Variants in TMEM123 observed in about 807,000 individuals in gnomAD.
The protein encoded by TMEM123 is porimin.
A neutral mutation model predicts 19.7 loss-of-function variants in TMEM123; 16 were observed. The ratio of observed to expected loss-of-function variants is 0.81; its 90% CI spans 0.55 to 1.23. TMEM123 has a LOEUF of 1.23. Among genes scored for constraint, TMEM123 ranks in the 50% most tolerant of loss-of-function variants. The pLI is 0.00. For synonymous variants in TMEM123, 118 were observed against 99.4 expected (o/e 1.19, Z -1.12); for missense variants, 313 against 257.8 (o/e 1.21, Z -1.47).
intron 2 of TMEM123, among the ~76,000 whole-genome samples, chr11:102,430,626 G>A (rs1857689342): frequency 6.6e-6 from 1 of 152,184 alleles, no homozygotes; most frequent in Non-Finnish European, 1.5e-5. Flanking sequence ...GGCAGAGAGG[G>A]CAGAGAAAGG....
intron 2 of TMEM123, among the ~76,000 whole-genome samples, chr11:102,439,090 A>G (rs1591565813): frequency 6.6e-6 from 1 of 152,250 alleles, no homozygotes; most frequent in Middle Eastern, 3.4e-3. Context: ...AGTGGCCGGG[A>G]AGCTCGAACT....
intron 2 of TMEM123, among the ~76,000 whole-genome samples, chr11:102,415,249 C>T (rs991557186): frequency 6.6e-6 from 1 of 152,172 alleles, no homozygotes; most frequent in African/African-American, 2.4e-5. Flanking sequence ...GACTTCAAAA[C>T]CCCACTGACA....
At chr11:102,430,681 GTTTA>G (rs1857689906) in intron 2 of TMEM123, among the ~76,000 whole-genome samples, 1 of 152,182 alleles carries the variant, frequency 6.6e-6, no homozygotes, top group Non-Finnish European at 1.5e-5. Flanking sequence ...GGAAAAACAC[GTTTA>G]TTTAGGTCCT....
At chr11:102,406,287 G>C (rs1430420459) in intron 2 of TMEM123, among the ~76,000 whole-genome samples, 1 of 152,106 alleles carries the variant, frequency 6.6e-6, no homozygotes, top group Non-Finnish European at 1.5e-5. Context: ...TCTGTCTATG[G>C]GGGTAAAGAG....
chr11:102,430,952 A>G (rs932835130), intron 2 of TMEM123, among the ~76,000 whole-genome samples: 2 of 152,242 alleles, frequency 1.3e-5, no homozygotes, highest in Non-Finnish European at 2.9e-5. Context: ...CTAGTGAACC[A>G]AATTCAATGT....
At chr11:102,421,462 A>T (rs928498500) in intron 2 of TMEM123, among the ~76,000 whole-genome samples, 3 of 152,186 alleles carry the variant, frequency 2.0e-5, no homozygotes, top group Non-Finnish European at 4.4e-5. Context: ...CAGCTGCCAC[A>T]TAAGAATTTG....
At chr11:102,408,840 C>T (rs562800064) in intron 2 of TMEM123, among the ~76,000 whole-genome samples, 56 of 152,228 alleles carry the variant, frequency 3.7e-4, no homozygotes, top group Middle Eastern at 6.8e-3. Flanking sequence ...AAGTGAGGCC[C>T]AGACCTTTTT....
In TMEM123 at chr11:102,396,372, G is replaced by T. The variant is rs981196232; in HGVS notation, c.*2495C>A. On this transcript the variant is annotated 3_prime_UTR_variant, in exon 5 of 5. Coordinates refer to ENST00000398136, the MANE Select transcript of TMEM123 (RefSeq NM_052932.3). ...AATTTTATTCTAAAAATAGAACTTG[G>T]TAACAATGAAATACCAAAAGCTGGT... The T allele has an allele frequency of 2.6e-5, 4 of 151,874 alleles. No individual in the cohort carries two copies. Among genetic ancestry groups the T allele is most frequent in the African/African-American group, 7.3e-5 (3 of 41,350 alleles). The allele number at this position is 151,874 out of a possible 1,614,324, so 9.4% of individuals were successfully genotyped here. A position where few individuals can be genotyped will look rare whatever the true frequency, so the allele number is the denominator to read the frequency against.
chr11:102,428,794 T>A (rs988283140), intron 2 of TMEM123, among the ~76,000 whole-genome samples: 1 of 152,172 alleles, frequency 6.6e-6, no homozygotes, highest in African/African-American at 2.4e-5. Context: ...TCATCAAGAA[T>A]AGGCTATAAC....
At chr11:102,439,826 A>C (rs1857805630) in intron 2 of TMEM123, among the ~76,000 whole-genome samples, 1 of 152,206 alleles carries the variant, frequency 6.6e-6, no homozygotes, top group Non-Finnish European at 1.5e-5. Flanking sequence ...ACAAATGGCT[A>C]ACTAGAATAA....
intron 4 of TMEM123, 60 bp from the exon 5 acceptor site, chr11:102,398,951 G>A (rs1591551679): frequency 7.0e-7 from 1 of 1,428,488 alleles, no homozygotes; most frequent in African/African-American, 1.4e-5. Context: ...AACTACTTAT[G>A]TTCCTATTTG....
At chr11:102,404,386 C>T (rs553146553) in intron 2 of TMEM123, among the ~76,000 whole-genome samples, 9 of 151,750 alleles carry the variant, frequency 5.9e-5, no homozygotes, top group Admixed American at 1.3e-4. Flanking sequence ...TGGGTTCAAG[C>T]GATTCTCGTG....
chr11:102,411,333 CA>C (rs944085191), intron 2 of TMEM123, among the ~76,000 whole-genome samples: 1 of 152,144 alleles, frequency 6.6e-6, no homozygotes, highest in African/African-American at 2.4e-5. Flanking sequence ...AAGCTCTGCG[CA>C]CCATTCCTCC....
intron 1 of TMEM123, among the ~76,000 whole-genome samples, chr11:102,451,458 G>T (rs1308141936): frequency 6.6e-6 from 1 of 152,162 alleles, no homozygotes; most frequent in Non-Finnish European, 1.5e-5. Context: ...ATTCACCCAG[G>T]TTATTCCAGA....
chr11:102,432,571 A>G (rs1196141970), intron 2 of TMEM123, among the ~76,000 whole-genome samples: 1 of 152,238 alleles, frequency 6.6e-6, no homozygotes, highest in Non-Finnish European at 1.5e-5. Flanking sequence ...TAGCCTGATG[A>G]TGTGACAGAA....
Position 102,398,635 on chromosome 11 carries a change from C to A in TMEM123, c.*232G>T. ...TAGGACTTGTTTGTCTTACTATGAA[C>A]TTGCTAAAACCATTGTATGAACGGT... On this transcript the variant is annotated 3_prime_UTR_variant, in exon 5 of 5. Coordinates refer to ENST00000398136, the MANE Select transcript of TMEM123 (RefSeq NM_052932.3). The A allele has an allele frequency of 2.0e-6, 1 of 512,608 alleles. No homozygotes were observed. Among genetic ancestry groups the A allele is most frequent in the South Asian group, 3.2e-5 (1 of 31,540 alleles). The allele number at this position is 512,608 out of a possible 1,614,324, so 31.8% of individuals were successfully genotyped here.
chr11:102,451,850 T>C (rs1366268801), intron 1 of TMEM123, among the ~76,000 whole-genome samples: 2 of 152,188 alleles, frequency 1.3e-5, no homozygotes. Context: ...GCTGTGCCCT[T>C]AACGCTGCGC....
chr11:102,447,270 G>GA, intron 2 of TMEM123, among the ~76,000 whole-genome samples: 1 of 152,162 alleles, frequency 6.6e-6, no homozygotes, highest in Non-Finnish European at 1.5e-5. Context: ...CATTCACAGT[G>GA]AAAAGCATGT....
At chr11:102,418,229 T>C (rs893100433) in intron 2 of TMEM123, among the ~76,000 whole-genome samples, 4 of 152,070 alleles carry the variant, frequency 2.6e-5, no homozygotes, top group African/African-American at 7.2e-5. Flanking sequence ...CAAAAGAAAC[T>C]ATCAACAAAG....
Sources: gnomAD v4.1 joint callset for allele counts (sites outside exome capture counted in the v4.1 genomes callset) on GRCh38, gnomAD v4.1.1 for gene constraint, MANE v1.5 for transcripts, NCBI Gene and HGNC (gene_info 2026-07-23, HGNC 2026-07-21) for gene names.